The following SLC25A28 variants were observed in gnomAD, a reference collection of about 807,000 sequenced individuals.
The protein encoded by SLC25A28 is solute carrier family 25 member 28.
SLC25A28 carries 10 observed loss-of-function variants against 31.9 expected under a neutral mutation model. That is an observed-to-expected ratio of 0.31 (90% CI 0.19 to 0.53). The LOEUF (loss-of-function observed/expected upper bound fraction) is 0.53, where lower values mean the gene tolerates loss of function less well. Ranked by LOEUF, SLC25A28 falls within the 20% of genes least tolerant of loss-of-function variation. The probability of loss-of-function intolerance (pLI) is 0.95; values close to 1 mark genes in which losing one functional copy is unlikely to be tolerated. For missense variants in SLC25A28, 256 were observed against 490.3 expected (o/e 0.52, Z 4.51); for synonymous variants, 208 against 203.6 (o/e 1.02, Z -0.19).
At chr10:99,620,740 C>G (rs559354044), upstream of SLC25A28, 3 of 985,566 alleles carry the variant, frequency 3.0e-6, no homozygotes, top group East Asian at 3.4e-4. Context: ...CTCAACCACT[C>G]TTGATACTTT....
upstream of SLC25A28, chr10:99,620,479 C>A: frequency 9.6e-7 from 1 of 1,046,684 alleles, no homozygotes; most frequent in South Asian, 4.4e-5. Flanking sequence ...GACACGCCCC[C>A]CAAGCAACCA....
the SLC25A28 span, among the ~76,000 whole-genome samples, chr10:99,634,481 TATAGAA>T: frequency 6.6e-6 from 1 of 152,118 alleles, no homozygotes; most frequent in Non-Finnish European, 1.5e-5. Context: ...CGAACACACT[TATAGAA>T]ATGTAAAATG....
intron 1 of SLC25A28, chr10:99,615,718 A>G: frequency 2.0e-6 from 2 of 985,464 alleles, no homozygotes; most frequent in Non-Finnish European, 2.4e-6. Context: ...AGTTGTTCAT[A>G]GAGACTACGG....
At chr10:99,612,660 T>C in intron 2 of SLC25A28, 61 bp from the exon 3 acceptor site, 4 of 1,572,192 alleles carry the variant, frequency 2.5e-6, no homozygotes, top group Non-Finnish European at 3.5e-6. Context: ...CTCATTGAGG[T>C]CCCCCAGTGA....
the SLC25A28 span, among the ~76,000 whole-genome samples, chr10:99,647,837 G>C: frequency 1.3e-5 from 2 of 152,092 alleles, no homozygotes; most frequent in African/African-American, 4.8e-5. Context: ...TGTTTATGGC[G>C]AGAGGTATGG....
the SLC25A28 span, among the ~76,000 whole-genome samples, chr10:99,632,401 C>T: frequency 1.3e-5 from 2 of 151,970 alleles, no homozygotes; most frequent in African/African-American, 2.4e-5. Context: ...GGTGTGTGTC[C>T]TAGAACCAGT....
the SLC25A28 span, among the ~76,000 whole-genome samples, chr10:99,641,902 C>T: frequency 6.6e-6 from 1 of 152,110 alleles, no homozygotes; most frequent in African/African-American, 2.4e-5. Flanking sequence ...TTTCTGAGGG[C>T]TCTGTTCTGT....
At chr10:99,630,768 T>C in the SLC25A28 span, among the ~76,000 whole-genome samples, 2 of 152,144 alleles carry the variant, frequency 1.3e-5, no homozygotes, top group African/African-American at 4.8e-5. Context: ...TAAAGTCTTC[T>C]GGGGAAGACA....
chr10:99,632,128 C>T, the SLC25A28 span, among the ~76,000 whole-genome samples: 433 of 151,494 alleles, frequency 2.9e-3, 2 homozygotes, highest in Non-Finnish European at 5.5e-3. Context: ...GATCTCCTGA[C>T]CTCATGATCC....
chr10:99,642,047 T>G, the SLC25A28 span, among the ~76,000 whole-genome samples: 6 of 147,642 alleles, frequency 4.1e-5, no homozygotes, highest in African/African-American at 1.3e-4. Flanking sequence ...CTTGGCAATG[T>G]GGGCTCTTTT....
the SLC25A28 span, among the ~76,000 whole-genome samples, chr10:99,646,560 C>T: frequency 6.6e-6 from 1 of 152,212 alleles, no homozygotes; most frequent in African/African-American, 2.4e-5. Flanking sequence ...GGGCTGCACC[C>T]ACTGTCTGAC....
chr10:99,618,265 C>G (rs1003907017), intron 1 of SLC25A28: 2 of 981,874 alleles, frequency 2.0e-6, no homozygotes, highest in African/African-American at 3.5e-5. Flanking sequence ...ACCTCCCGTT[C>G]TGTTATAATG....
intron 1 of SLC25A28, chr10:99,618,161 A>G (rs2034701193): frequency 1.6e-6 from 1 of 641,290 alleles, no homozygotes; most frequent in Non-Finnish European, 1.9e-6. Context: ...CCTTAAGGAC[A>G]TGCACCCAAA....
At chr10:99,620,024 G>A (rs768390592) in intron 1 of SLC25A28, 21 bp downstream of exon 1, 5 of 1,561,986 alleles carry the variant, frequency 3.2e-6, no homozygotes, top group Non-Finnish European at 3.4e-6. Flanking sequence ...GGTCGGGTTC[G>A]AAGCCGGGTG....
At chr10:99,618,682 C>G in intron 1 of SLC25A28, 2 of 985,398 alleles carry the variant, frequency 2.0e-6, no homozygotes, top group Non-Finnish European at 2.4e-6. Flanking sequence ...GCATTTACCC[C>G]GTTTTCAATG....
intron 3 of SLC25A28, 28 bp downstream of exon 3, chr10:99,612,513 CCA>C (rs748515781): frequency 8.7e-6 from 14 of 1,611,938 alleles, no homozygotes; most frequent in African/African-American, 5.3e-5. Context: ...GTGCAGCTGC[CCA>C]CAGAGTGATA....
At chr10:99,622,724 T>TA, upstream of SLC25A28, 1 of 985,170 alleles carries the variant, frequency 1.0e-6, no homozygotes. Flanking sequence ...GGAACATCCC[T>TA]AAACGTTTAA....
chr10:99,623,748 G>A (rs1472925550), upstream of SLC25A28, among the ~76,000 whole-genome samples: 1 of 152,176 alleles, frequency 6.6e-6, no homozygotes, highest in Non-Finnish European at 1.5e-5. Flanking sequence ...TCTGCCACAT[G>A]ACTAGTGATT....
At chr10:99,644,906 G>A in the SLC25A28 span, among the ~76,000 whole-genome samples, 1 of 152,208 alleles carries the variant, frequency 6.6e-6, no homozygotes, top group Non-Finnish European at 1.5e-5. Context: ...GGCTTGTAGA[G>A]TTTCTGTGAG....
Sources: allele counts gnomAD v4.1 joint callset (sites outside exome capture counted in the v4.1 genomes callset), GRCh38; gene constraint gnomAD v4.1.1; transcripts MANE v1.5; gene names NCBI Gene and HGNC (gene_info 2026-07-23, HGNC 2026-07-21).